Variants in ARAP2 observed in about 807,000 individuals in gnomAD.
ARAP2 encodes ArfGAP with RhoGAP domain, ankyrin repeat and PH domain 2, also known as arf-GAP with Rho-GAP domain, ANK repeat and PH domain-containing protein 2.
ARAP2 carries 148 observed loss-of-function variants against 194.5 expected under a neutral mutation model. That is an observed-to-expected ratio of 0.76 (90% CI 0.67 to 0.87). The LOEUF (loss-of-function observed/expected upper bound fraction) is 0.87. Ranked by LOEUF, ARAP2 falls within the 40% of genes least tolerant of loss-of-function variation. ARAP2 has a pLI of 0.00. For synonymous variants in ARAP2, 695 were observed against 683.5 expected, an observed-to-expected ratio of 1.02 and a Z score of -0.26; for missense variants, 2,128 against 1,989.7, an observed-to-expected ratio of 1.07 and a Z score of -1.32.
At chr4:36,036,779 C>T (rs998241869) in intron 5 of ARAP2, among the ~76,000 whole-genome samples, 3 of 152,064 alleles carry the variant, frequency 2.0e-5, no homozygotes, top group Non-Finnish European at 4.4e-5. Flanking sequence ...AGTATAGCTA[C>T]AAAACCAGAA....
At position 36,207,502 on chromosome 4, in the gene ARAP2, A is replaced by C. The variant is rs183045964; in HGVS notation, c.1487+2888T>G. ...AGTATTTCTTTTGTTGTATGGTGTT[A>C]TGCAATTATATTCTTAACCAAATAT... On this transcript the variant is annotated intron_variant, in intron 6 of 32. Transcript: ENST00000303965. Among the ~76,000 whole-genome samples the C allele has an allele frequency of 3.1e-4, 47 of 152,294 alleles. 1 individual carries two copies. The highest frequency in any genetic ancestry group is 9.8e-4 in the Admixed American group (15 of 15,304).
At position 36,067,996 on chromosome 4, in the gene ARAP2, G is replaced by T; in HGVS notation, c.5026C>A (p.Pro1676Thr). Residue 1676 changes from proline (P) to threonine (T), a missense_variant, in exon 33 of 33, where the codon CCA becomes ACA. Transcript: ENST00000303965. ...KATLDSDHKLPSRVIEELNVV... is the reference protein window; with the variant it reads ...KATLDSDHKLTSRVIEELNVV... ...TTAAGTTCTTCAATTACCCTTGATGGTAACTTATGATCAGAGTCCAAAGTA... is the reference window on the plus strand; with the variant it reads ...TTAAGTTCTTCAATTACCCTTGATGTTAACTTATGATCAGAGTCCAAAGTA... The T allele has an allele frequency of 6.2e-7, 1 of 1,614,114 alleles. No homozygotes were observed. The highest frequency in any genetic ancestry group is 8.5e-7 in the Non-Finnish European group (1 of 1,179,966).
intron 6 of ARAP2, among the ~76,000 whole-genome samples, chr4:36,198,451 C>T (rs919594580): frequency 6.6e-6 from 1 of 152,228 alleles, no homozygotes; most frequent in Non-Finnish European, 1.5e-5. Flanking sequence ...CAAGGACCTG[C>T]CCCCTTCTGC....
intron 31 of ARAP2, among the ~76,000 whole-genome samples, chr4:36,074,804 G>T (rs1042624803): frequency 4.6e-5 from 7 of 151,956 alleles, no homozygotes; most frequent in Admixed American, 3.3e-4. Context: ...TTATGGCAAA[G>T]AACTCATTTA....
chr4:36,113,487 G>A (rs985833217), intron 26 of ARAP2, among the ~76,000 whole-genome samples: 3 of 151,884 alleles, frequency 2.0e-5, no homozygotes, highest in South Asian at 2.1e-4. Context: ...CTAAGCTTGC[G>A]GGTGGCAAGA....
chr4:36,239,033 T>C (rs1752994604), intron 1 of ARAP2, among the ~76,000 whole-genome samples: 1 of 152,100 alleles, frequency 6.6e-6, no homozygotes, highest in Admixed American at 6.5e-5. Context: ...CCATACACTT[T>C]GGGAGGCCAA....
rs34777330 is a variant in ARAP2, at chr4:36,030,797, G to GTTTTTTTTTTTTTTTTTTTTTTTTTTTTT, written n.608-11512_608-11511insAAAAAAAAAAAAAAAAAAAAAAAAAAAAA. Among the ~76,000 whole-genome samples, 3 of 16,082 alleles carry GTTTTTTTTTTTTTTTTTTTTTTTTTTTTT rather than the reference G, an allele frequency of 1.9e-4. 1 individual carries two copies. The highest frequency in any genetic ancestry group is 1.0e-4 in the African/African-American group (1 of 9,862). 10.6% of individuals were successfully genotyped at this position (16,082 alleles called of 152,430 possible). ...TCAACTCTTGTTTGACATTGTCTACGTTTTTTTTTTTTTTTTTTTTGGTAC... is the reference window on the plus strand; with the variant it reads ...TCAACTCTTGTTTGACATTGTCTACGTTTTTTTTTTTTTTTTTTTTTTTTTTTTTTTTTTTTTTTTTTTTTTTTTGGTAC... On this transcript the variant is annotated intron_variant and non_coding_transcript_variant, in intron 5 of 12. Transcript: ENST00000503225.
At chr4:36,042,836 T>TA (rs1247393632) in intron 5 of ARAP2, among the ~76,000 whole-genome samples, 3 of 49,174 alleles carry the variant, frequency 6.1e-5, no homozygotes, top group Non-Finnish European at 1.8e-4. Flanking sequence ...AACAAATGCG[T>TA]TTTTTTCTTC....
intron 19 of ARAP2, among the ~76,000 whole-genome samples, chr4:36,144,901 G>A (rs1729265543): frequency 6.6e-6 from 1 of 151,828 alleles, no homozygotes; most frequent in Non-Finnish European, 1.5e-5. Context: ...ATACCTTCAT[G>A]ATGATCTACT....
At chr4:36,156,678 A>G (rs1488760165) in intron 15 of ARAP2, among the ~76,000 whole-genome samples, 2 of 152,166 alleles carry the variant, frequency 1.3e-5, no homozygotes, top group African/African-American at 4.8e-5. Context: ...AGAGTAGCCA[A>G]CTGCTTTAAG....
intron 26 of ARAP2, among the ~76,000 whole-genome samples, chr4:36,109,340 A>G (rs771441535): frequency 6.6e-6 from 1 of 151,946 alleles, no homozygotes. Context: ...ACAAATATAC[A>G]TCTTGTTTAC....
At chr4:36,154,484 A>G (rs776913324) in intron 15 of ARAP2, among the ~76,000 whole-genome samples, 3 of 152,216 alleles carry the variant, frequency 2.0e-5, no homozygotes, top group Non-Finnish European at 2.9e-5. Flanking sequence ...AAACAAATCA[A>G]GGTAAGATAT....
chr4:36,133,802 A>AT (rs1726011907), intron 19 of ARAP2, among the ~76,000 whole-genome samples: 1 of 151,762 alleles, frequency 6.6e-6, no homozygotes, highest in South Asian at 2.1e-4. Context: ...TTTTCCTCCT[A>AT]TCATTCTGGT....
chr4:36,129,031 A>T (rs1284249366), intron 20 of ARAP2, among the ~76,000 whole-genome samples: 1 of 151,908 alleles, frequency 6.6e-6, no homozygotes, highest in Non-Finnish European at 1.5e-5. Flanking sequence ...TTTTTCTTAA[A>T]GTGCCCTATC....
At chr4:36,014,334 GAAAGAA>G (rs1182680828) in intron 8 of ARAP2, among the ~76,000 whole-genome samples, 8 of 79,030 alleles carry the variant, frequency 1.0e-4, no homozygotes, top group African/African-American at 3.7e-4. Context: ...GAGAAAGAAA[GAAAGAA>G]AGAAAGAAAG....
chr4:36,161,817 A>G (rs922251021), intron 11 of ARAP2, among the ~76,000 whole-genome samples: 1 of 115,662 alleles, frequency 8.6e-6, no homozygotes, highest in Non-Finnish European at 1.8e-5. Flanking sequence ...AAAAAAAAAA[A>G]AAACTACACG....
intron 2 of ARAP2, among the ~76,000 whole-genome samples, chr4:36,227,217 T>C (rs775286536): frequency 1.3e-5 from 2 of 152,150 alleles, no homozygotes; most frequent in Non-Finnish European, 2.9e-5. Flanking sequence ...TAAAATGGGA[T>C]GAACATTACC....
intron 19 of ARAP2, among the ~76,000 whole-genome samples, chr4:36,142,193 C>T (rs949534382): frequency 1.3e-5 from 2 of 151,702 alleles, no homozygotes; most frequent in African/African-American, 4.8e-5. Context: ...CATCCCACTA[C>T]CACATGGAGA....
chr4:36,229,034 G>A lies in ARAP2; in HGVS notation c.453C>T (p.Arg151=), dbSNP rs200358430. 64 of 1,613,966 alleles carry A rather than the reference G, an allele frequency of 4.0e-5. No individual in the cohort carries two copies. Among genetic ancestry groups the A allele is most frequent in the Non-Finnish European group, 5.0e-5 (59 of 1,180,020 alleles). Residue 151 remains arginine, a synonymous_variant, in exon 2 of 33, where the codon CGC becomes CGT. Coordinates refer to ENST00000303965, the MANE Select transcript of ARAP2 (RefSeq NM_015230.4). The part of the protein sequence containing the change: ...QSDDKLSPPK[R]DFPTAEEPHL... ...GTGGTTCCTCTGCAGTGGGGAAGTC[G>A]CGTTTAGGAGGAGACAGCTTATCAT... is the stretch of plus-strand genomic sequence containing the variant.
Sources: allele counts gnomAD v4.1 joint callset (sites outside exome capture counted in the v4.1 genomes callset), GRCh38; gene constraint gnomAD v4.1.1; transcripts MANE v1.5; gene names NCBI Gene and HGNC (gene_info 2026-07-23, HGNC 2026-07-21).